CDK11A: variants seen among roughly 807,000 people sequenced by gnomAD.
CDK11A encodes cyclin dependent kinase 11A.
CDK11A carries 55 observed loss-of-function variants against 83.6 expected under a neutral mutation model. The observed-to-expected ratio is 0.66, with a 90% CI of 0.53 to 0.82. The LOEUF (loss-of-function observed/expected upper bound fraction) is 0.82. CDK11A is among the 40% of genes least tolerant of loss of function. The pLI, the probability that CDK11A is intolerant of heterozygous loss-of-function variation, is 0.00. For synonymous variants in CDK11A, 247 were observed against 302.7 expected (o/e 0.82, Z 1.91); for missense variants, 564 against 810.1 (o/e 0.70, Z 3.69).
At position 1,705,657 on chromosome 1, in the gene CDK11A, T is replaced by C. The variant is rs1168533215; in HGVS notation, c.1321A>G (p.Lys441Glu). ...EGTYGVVYRA[K>E]DKKTDEIVAL... Reference sequence around the variant, plus strand: ...CCCCACCCACCTGTTTTCTTGTCTTTTGCTCTGTAGACCACTCCATAGGTG... The same window carrying C: ...CCCCACCCACCTGTTTTCTTGTCTTCTGCTCTGTAGACCACTCCATAGGTG... Residue 441 changes from lysine to glutamate, a missense_variant, in exon 12 of 20, where the codon AAA becomes GAA. Physicochemically the swap from Lys to Glu is moderately conservative, Grantham distance 56 (BLOSUM62 1). Transcript: ENST00000404249. The C allele has an allele frequency of 3.6e-6, 2 of 558,540 alleles. 1 individual carries two copies. Among genetic ancestry groups the C allele is most frequent in the African/African-American group, 1.2e-4 (2 of 17,188 alleles). 34.6% of individuals were successfully genotyped at this position (558,540 alleles called of 1,614,324 possible).
Position 1,703,470 on chromosome 1 carries a change from G to C in CDK11A, c.2060+6C>G, listed in dbSNP as rs1374659100. The C allele has an allele frequency of 6.6e-7, 1 of 1,507,142 alleles. No homozygotes were observed. Among genetic ancestry groups the C allele is most frequent in the East Asian group, 2.5e-5 (1 of 40,116 alleles). The allele number at this position is 1,507,142 out of a possible 1,614,324, so 93.4% of individuals were successfully genotyped here. The stretch of plus-strand genomic sequence containing the variant: ...ACCTCCCGCCACCCGGCTGCACTGG[G>C]CTCACTTGTTCATGAGGTCGAAGCC... On this transcript the variant is annotated splice_donor_region_variant and intron_variant, in intron 18 of 19. Coordinates refer to ENST00000404249, the MANE Select transcript of CDK11A (RefSeq NM_024011.4).
chr1:1,721,167 T>C (rs1267396863), intron 3 of CDK11A, among the ~76,000 whole-genome samples: 2 of 146,336 alleles, frequency 1.4e-5, no homozygotes, highest in Admixed American at 7.0e-5. Flanking sequence ...CACTCCAGCC[T>C]GGGTGAGCAA....
rs372225055 is a variant in CDK11A at position 1,721,673 on chromosome 1, C to G, written c.150G>C (p.Glu50Asp). 147 of 1,597,696 alleles carry G rather than the reference C, an allele frequency of 9.2e-5. 8 individuals carry two copies. The highest frequency in any genetic ancestry group is 1.2e-4 in the Non-Finnish European group (144 of 1,166,246). The change falls in exon 3 of 20, where the codon GAG (glutamate) becomes GAC (aspartate). Residue 50 changes from glutamate (E) to aspartate (D), a missense_variant. By Grantham distance (45) the Glu-to-Asp change is conservative. This residue lies in a region of CDK11A where 151 missense variants were observed against 147.4 expected (regional missense o/e 1.02). Coordinates refer to ENST00000404249, the MANE Select transcript of CDK11A (RefSeq NM_024011.4). ...DRDSKRDSLE[E>D]GELRDHCMEI... is the part of the protein sequence containing the mutation. ...CCATGCAGTGATCTCTCAGCTCCCC[C>G]TCCTCAAGGGAATCCCGCTTGGAAT...
chr1:1,718,159 C>T (rs1483419983), intron 4 of CDK11A, among the ~76,000 whole-genome samples: 1 of 144,620 alleles, frequency 6.9e-6, no homozygotes, highest in African/African-American at 2.6e-5. Context: ...AGTTTGCTCT[C>T]TCTGGTTTTC....
chr1:1,714,947 C>A (rs930415068), intron 5 of CDK11A, among the ~76,000 whole-genome samples: 4 of 150,386 alleles, frequency 2.7e-5, no homozygotes, highest in Admixed American at 6.7e-5. Context: ...TTTCCTCCCT[C>A]CACTGAGGAT....
At chr1:1,718,145 C>A (rs1299613726) in intron 4 of CDK11A, among the ~76,000 whole-genome samples, 1 of 146,384 alleles carries the variant, frequency 6.8e-6, no homozygotes, top group Admixed American at 6.8e-5. Flanking sequence ...ATGCTTTCAG[C>A]TAGAGTTTGC....
Position 1,702,585 on chromosome 1 carries a change from C to A in CDK11A, c.*322G>T, listed in dbSNP as rs1395758392. 6 of 225,092 alleles carry A rather than the reference C, an allele frequency of 2.7e-5. No homozygotes were observed. Among genetic ancestry groups the A allele is most frequent in the Non-Finnish European group, 5.4e-5 (6 of 111,606 alleles). 13.9% of individuals were successfully genotyped at this position (225,092 alleles called of 1,614,324 possible). A position where few individuals can be genotyped will look rare whatever the true frequency, so the allele number is the denominator to read the frequency against. On this transcript the variant is annotated 3_prime_UTR_variant, in exon 20 of 20. Transcript: ENST00000404249. The stretch of plus-strand genomic sequence containing the variant: ...TCTCCAGCTCCGAAGATTAAACAAT[C>A]CACCCGGCTCCCACCAGTTCCTTTC...
At chr1:1,721,870 G>C in intron 2 of CDK11A, 159 bp from the exon 3 acceptor site, 1 of 1,035,582 alleles carries the variant, frequency 9.7e-7, no homozygotes, top group Non-Finnish European at 1.3e-6. Flanking sequence ...AGAATTTTTG[G>C]CCAGGTGCAG....
At chr1:1,704,514 C>G (rs952261616) in intron 14 of CDK11A, 36 bp downstream of exon 14, 5 of 1,593,352 alleles carry the variant, frequency 3.1e-6, no homozygotes, top group Non-Finnish European at 4.3e-6. Flanking sequence ...ACTGCCCCCA[C>G]TTGTACGCAG....
chr1:1,722,021 A>G (rs1644923935), intron 2 of CDK11A: 2 of 272,568 alleles, frequency 7.3e-6, no homozygotes, highest in Non-Finnish European at 1.4e-5. Context: ...CATGTTGGTG[A>G]GCCCCTGTAG....
At position 1,707,353 on chromosome 1, in the gene CDK11A, G is replaced by A. The variant is rs1644355331; in HGVS notation, c.1245+56C>T. 3.2e-5 allele frequency: 51 copies of A among 1,574,112 alleles called. 1 individual carries two copies. The highest frequency in any genetic ancestry group is 3.0e-4 in the South Asian group (26 of 87,006). On this transcript the variant is annotated intron_variant, in intron 11 of 19. Coordinates refer to ENST00000404249, the MANE Select transcript of CDK11A (RefSeq NM_024011.4). ...GGGGGCCAGGCTTCGCTCAGCCCCTGTGGTAACTCCGACTGCCAATGCGGA... is the reference window on the plus strand; with the variant it reads ...GGGGGCCAGGCTTCGCTCAGCCCCTATGGTAACTCCGACTGCCAATGCGGA...
rs559525010 is a variant in CDK11A, at chr1:1,704,949, G to C, written c.1413C>G (p.Ile471Met). Residue 471 changes from isoleucine (I) to methionine (M), a missense_variant, in exon 13 of 20, where the codon ATC (isoleucine) becomes ATG (methionine). Ile to Met is a conservative substitution (Grantham distance 10). This residue lies in a region of CDK11A where 361 missense variants were observed against 402.7 expected (regional missense o/e 0.90). Transcript: ENST00000404249. ...EGFPITSLRE[I>M]NTILKAQHPN... Reference sequence around the variant, plus strand: ...GATGCTGGGCCTTGAGGATGGTGTTGATCTCCCTCAGGGACGTGATCGGGA... The same window carrying C: ...GATGCTGGGCCTTGAGGATGGTGTTCATCTCCCTCAGGGACGTGATCGGGA... 6.3e-7 allele frequency: 1 copy of C among 1,597,982 alleles called. No individual in the cohort carries two copies. Among genetic ancestry groups the C allele is most frequent in the South Asian group, 1.1e-5 (1 of 89,156 alleles).
chr1:1,717,218 A>G (rs1284235472), intron 4 of CDK11A, among the ~76,000 whole-genome samples: 1 of 151,304 alleles, frequency 6.6e-6, no homozygotes, highest in African/African-American at 2.4e-5. Flanking sequence ...TGAATAAACT[A>G]TAATTATCAG....
rs774905323 is a variant in CDK11A, at chr1:1,704,929, T to C, written c.1433A>G (p.Gln478Arg). Reference protein sequence around the residue: ...LREINTILKAQHPNIVTVREI... With the variant: ...LREINTILKARHPNIVTVREI... The stretch of plus-strand genomic sequence containing the variant: ...TCTAACGGTGACAATGTTGGGATGC[T>C]GGGCCTTGAGGATGGTGTTGATCTC... Residue 478 changes from glutamine (Q) to arginine (R), a missense_variant, in exon 13 of 20, where the codon CAG becomes CGG. Coordinates refer to ENST00000404249, the MANE Select transcript of CDK11A (RefSeq NM_024011.4). The C allele has an allele frequency of 2.9e-5, 46 of 1,595,356 alleles. 3 individuals are homozygous for C. The Middle Eastern group carries it at 6.2e-3, about 216-fold the overall frequency.
chr1:1,706,368 T>C (rs1644311051), intron 11 of CDK11A, among the ~76,000 whole-genome samples: 3 of 151,400 alleles, frequency 2.0e-5, no homozygotes, highest in South Asian at 2.1e-4. Context: ...CCACTGTGCC[T>C]GGCCAAAACT....
In CDK11A at chr1:1,702,442, C is replaced by T. The variant is rs1187963652; in HGVS notation, c.*465G>A. On this transcript the variant is annotated 3_prime_UTR_variant, in exon 20 of 20. Coordinates refer to ENST00000404249, the MANE Select transcript of CDK11A (RefSeq NM_024011.4). ...TCAACAACCTTGTATAAAAACCTGT[C>T]GAGTCTGCTGGCACAGCTGGGGCTG... Among the ~76,000 whole-genome samples the T allele has an allele frequency of 1.7e-5, 2 of 115,570 alleles. No individual in the cohort carries two copies. The highest frequency in any genetic ancestry group is 3.3e-4 in the South Asian group (1 of 3,034). The allele number at this position is 115,570 out of a possible 152,430, so 75.8% of individuals were successfully genotyped here. A position where few individuals can be genotyped will look rare whatever the true frequency, so the allele number is the denominator to read the frequency against.
In CDK11A at chr1:1,703,846, T is replaced by A; in HGVS notation, c.1889A>T (p.Asp630Val). The change falls in exon 17 of 20, where the codon GAT (aspartate) becomes GTT (valine). Residue 630 changes from aspartate to valine, a missense_variant. Transcript: ENST00000404249. ...KPLFPGNSEI[D>V]QINKVFKELG... is the part of the protein sequence containing the mutation. ...CACCTTGAACACTTTGTTGATCTGA[T>A]CGATTTCCGAATTCCCGGGGAACAG... The A allele has an allele frequency of 6.2e-7, 1 of 1,609,642 alleles. No homozygotes were observed. The highest frequency in any genetic ancestry group is 8.5e-7 in the Non-Finnish European group (1 of 1,176,948).
chr1:1,708,452 C>G (rs1222046801), intron 9 of CDK11A, among the ~76,000 whole-genome samples: 1 of 147,246 alleles, frequency 6.8e-6, no homozygotes, highest in Non-Finnish European at 1.5e-5. Flanking sequence ...ACCATCCTGG[C>G]CAACGTGGTG....
chr1:1,722,719 G>A lies in CDK11A; in HGVS notation c.100C>T (p.Arg34Cys), dbSNP rs376961550. 16 of 1,546,704 alleles carry A rather than the reference G, an allele frequency of 1.0e-5. No homozygotes were observed. The highest frequency in any genetic ancestry group is 7.0e-5 in the South Asian group (6 of 85,220). Residue 34 changes from arginine (R) to cysteine (C), a missense_variant, in exon 2 of 20, where the codon CGC (arginine) becomes TGC (cysteine). Transcript: ENST00000404249. ...AAAATATGGCTTACATTTTTTAAGC[G>A]TTTTATCTCTGCTTTCTCCTCTTGT... Reference protein sequence around the residue: ...KEQEEKAEIKRLKNSDDRDSK... With the variant: ...KEQEEKAEIKCLKNSDDRDSK...
Sources: gnomAD v4.1 joint callset for allele counts (sites outside exome capture counted in the v4.1 genomes callset) on GRCh38, gnomAD v4.1.1 for gene constraint, gnomAD v4.1.1 regional missense constraint, MANE v1.5 for transcripts, NCBI Gene and HGNC (gene_info 2026-07-23, HGNC 2026-07-21) for gene names.